Variants in CNTNAP2 observed in about 807,000 individuals in gnomAD.
The protein encoded by CNTNAP2 is contactin associated protein 2, also known as contactin-associated protein-like 2.
Under a neutral mutation model 155.2 loss-of-function variants are expected in CNTNAP2, and 98 were observed. That is an observed-to-expected ratio of 0.63 (90% CI 0.54 to 0.75). The LOEUF is 0.75. Among genes scored for constraint, CNTNAP2 ranks in the 30% least tolerant of loss-of-function variants. The pLI is 0.00. For missense variants in CNTNAP2, 1,727 were observed against 1,688.1 expected (o/e 1.02, Z -0.40); for synonymous variants, 651 against 631.2 (o/e 1.03, Z -0.47).
chr7:146,660,238 G>A lies in CNTNAP2; in HGVS notation c.98-114033G>A, dbSNP rs113823554. Among the ~76,000 whole-genome samples, 687 of 152,198 alleles carry A rather than the reference G, an allele frequency of 4.5e-3. 2 individuals are homozygous for A. The highest frequency in any genetic ancestry group is 7.3e-3 in the Non-Finnish European group (494 of 67,996). ...TTGGATGATATCTAAGCAGTATGTC[G>A]ATGATATCTAGTTTATCCACCATTG... On this transcript the variant is annotated intron_variant, in intron 1 of 23. Transcript: ENST00000361727.
intron 13 of CNTNAP2, among the ~76,000 whole-genome samples, chr7:147,685,670 C>T (rs758766862): frequency 1.3e-5 from 2 of 151,498 alleles, no homozygotes; most frequent in South Asian, 2.1e-4. Context: ...AAAACAGAAA[C>T]GTATACATAC....
At chr7:146,893,909 G>T (rs138566340) in intron 3 of CNTNAP2, among the ~76,000 whole-genome samples, 3 of 152,334 alleles carry the variant, frequency 2.0e-5, no homozygotes, top group African/African-American at 7.2e-5. Context: ...TCTTGTGGAA[G>T]ATGGGTACAA....
At chr7:146,730,889 C>T (rs533354367) in intron 1 of CNTNAP2, among the ~76,000 whole-genome samples, 2 of 152,204 alleles carry the variant, frequency 1.3e-5, no homozygotes, top group East Asian at 3.9e-4. Context: ...ATAATCAATT[C>T]TTTTTATTTT....
chr7:147,629,794 C>T lies in CNTNAP2; in HGVS notation c.1898-9312C>T, dbSNP rs568317332. On this transcript the variant is annotated intron_variant, in intron 12 of 23. Coordinates refer to ENST00000361727, the MANE Select transcript of CNTNAP2 (RefSeq NM_014141.6). The stretch of plus-strand genomic sequence containing the variant: ...GAGCTGATTGATGATAGTGACACAA[C>T]TTATCAAAACCTCTGGCATACAGCA... Among the ~76,000 whole-genome samples, 47 of 152,072 alleles carry T rather than the reference C, an allele frequency of 3.1e-4. 1 individual carries two copies. In the South Asian group the frequency reaches 9.1e-3, roughly 30 times the overall value.
In CNTNAP2 at chr7:148,247,390, T is replaced by A. The variant is rs115408056; in HGVS notation, c.3381+17611T>A. On this transcript the variant is annotated intron_variant, in intron 20 of 23. Transcript: ENST00000361727. ...CGACCCTTCTCCACCAAACCCGTCT[T>A]GCTTACTCCAGGGCATTGCTGAGCA... Among the ~76,000 whole-genome samples the A allele has an allele frequency of 1.5e-3, 235 of 152,232 alleles. 1 individual carries two copies. Among genetic ancestry groups the A allele is most frequent in the African/African-American group, 5.5e-3 (228 of 41,546 alleles).
intron 1 of CNTNAP2, among the ~76,000 whole-genome samples, chr7:146,331,404 G>A (rs938027346): frequency 2.0e-5 from 3 of 152,024 alleles, no homozygotes; most frequent in Non-Finnish European, 2.9e-5. Context: ...GGCTGTCTCA[G>A]TTATTCAGTA....
chr7:146,801,413 T>A (rs1437982108), intron 2 of CNTNAP2, among the ~76,000 whole-genome samples: 2 of 152,158 alleles, frequency 1.3e-5, no homozygotes, highest in Admixed American at 1.3e-4. Context: ...ACCAAACATT[T>A]ATTGAATTTC....
At chr7:146,193,837 G>A (rs1194992012) in intron 1 of CNTNAP2, among the ~76,000 whole-genome samples, 1 of 152,134 alleles carries the variant, frequency 6.6e-6, no homozygotes, top group African/African-American at 2.4e-5. Context: ...TTTATGCTCT[G>A]CTTCCTCTTA....
chr7:147,154,176 C>T (rs1463536354), intron 8 of CNTNAP2, among the ~76,000 whole-genome samples: 2 of 150,380 alleles, frequency 1.3e-5, no homozygotes, highest in African/African-American at 4.9e-5. Context: ...TAAGATAAAA[C>T]AGTTTCTATG....
intron 21 of CNTNAP2, among the ~76,000 whole-genome samples, chr7:148,317,762 G>A (rs1240374257): frequency 6.6e-6 from 1 of 151,302 alleles, no homozygotes; most frequent in African/African-American, 2.4e-5. Flanking sequence ...GTGCAGTGGT[G>A]CGATCTCGGC....
chr7:147,214,617 T>C (rs1450878269), intron 8 of CNTNAP2, among the ~76,000 whole-genome samples: 1 of 152,154 alleles, frequency 6.6e-6, no homozygotes, highest in Non-Finnish European at 1.5e-5. Flanking sequence ...GAAAACAGGT[T>C]ATATCAAAGG....
chr7:147,544,367 A>G (rs1295172986), intron 11 of CNTNAP2, among the ~76,000 whole-genome samples: 1 of 152,162 alleles, frequency 6.6e-6, no homozygotes, highest in East Asian at 1.9e-4. Context: ...GAGAAATGCA[A>G]ATTAAGTAGC....
At chr7:147,299,837 T>C (rs1794907804) in intron 8 of CNTNAP2, among the ~76,000 whole-genome samples, 2 of 152,164 alleles carry the variant, frequency 1.3e-5, no homozygotes, top group African/African-American at 4.8e-5. Flanking sequence ...ATCCCAGCAC[T>C]TTGGGAGGCC....
chr7:147,777,375 A>G (rs1189723842), intron 13 of CNTNAP2, among the ~76,000 whole-genome samples: 1 of 152,216 alleles, frequency 6.6e-6, no homozygotes, highest in Non-Finnish European at 1.5e-5. Context: ...AGAATGGCAA[A>G]TGTCTGAAGG....
intron 15 of CNTNAP2, among the ~76,000 whole-genome samples, chr7:148,096,274 CAT>C (rs1803967185): frequency 2.3e-5 from 3 of 132,502 alleles, no homozygotes; most frequent in African/African-American, 9.2e-5. Context: ...TGCGTGCATG[CAT>C]GCATGTGTGT....
chr7:147,041,387 G>A (rs908479532), intron 3 of CNTNAP2, among the ~76,000 whole-genome samples: 6 of 151,980 alleles, frequency 3.9e-5, no homozygotes, highest in African/African-American at 1.5e-4. Flanking sequence ...TTTTTTTTAA[G>A]TCCTAGAGAG....
chr7:148,150,274 C>T (rs895120135), intron 17 of CNTNAP2, among the ~76,000 whole-genome samples: 2 of 151,958 alleles, frequency 1.3e-5, no homozygotes, highest in Admixed American at 6.6e-5. Flanking sequence ...TAGGGCTGGG[C>T]GCAGTGGCTC....
intron 11 of CNTNAP2, among the ~76,000 whole-genome samples, chr7:147,503,388 C>T (rs1584776002): frequency 6.6e-6 from 1 of 152,136 alleles, no homozygotes; most frequent in Non-Finnish European, 1.5e-5. Flanking sequence ...TGACAAATTA[C>T]ATCTGCAAAG....
intron 10 of CNTNAP2, among the ~76,000 whole-genome samples, chr7:147,406,038 G>A (rs1013718990): frequency 6.6e-6 from 1 of 152,110 alleles, no homozygotes; most frequent in Non-Finnish European, 1.5e-5. Context: ...TGGTTAAGGT[G>A]TGTATCTTTT....
Sources: gnomAD v4.1 joint callset for allele counts (sites outside exome capture counted in the v4.1 genomes callset) on GRCh38, gnomAD v4.1.1 for gene constraint, MANE v1.5 for transcripts, NCBI Gene and HGNC (gene_info 2026-07-23, HGNC 2026-07-21) for gene names.